The following ADAM7 variants were observed in gnomAD, a reference collection of about 807,000 sequenced individuals.
ADAM7 encodes the protein disintegrin and metalloproteinase domain-containing protein 7.
Under a neutral mutation model 102.9 loss-of-function variants are expected in ADAM7, and 97 were observed. The ratio of observed to expected loss-of-function variants is 0.94; its 90% confidence interval spans 0.80 to 1.12. ADAM7 has a LOEUF of 1.12. ADAM7 is among the 50% of genes most tolerant of loss of function. ADAM7 has a pLI of 0.00. For missense variants in ADAM7, 991 were observed against 908.7 expected (o/e 1.09, Z -1.16); for synonymous variants, 334 against 304.4 (o/e 1.10, Z -1.01).
chr8:24,471,818 T>A (rs1049021705), intron 7 of ADAM7, among the ~76,000 whole-genome samples: 93 of 152,120 alleles, frequency 6.1e-4, no homozygotes, highest in African/African-American at 2.1e-3. Flanking sequence ...ATTCCAAATG[T>A]GTCAGAAATT....
rs1272113928 is a variant in ADAM7, at chr8:24,500,879, T to C, written c.2092T>C (p.Leu698=). 2 of 1,611,848 alleles carry C rather than the reference T, an allele frequency of 1.2e-6. No homozygotes were observed. The highest frequency in any genetic ancestry group is 1.7e-6 in the Non-Finnish European group (2 of 1,178,260). Residue 698 remains leucine, a synonymous_variant, in exon 19 of 22, where the codon TTG becomes CTG. Transcript: ENST00000175238. The stretch of plus-strand genomic sequence containing the variant: ...AGTTCGTTACCGAAAATGTATCAAG[T>C]TGAAGCAAGTTCAGAGGTACATTTA... ...LLVRYRKCIK[L]KQVQSPPTET...
At chr8:24,453,702 G>A (rs578182490) in intron 3 of ADAM7, among the ~76,000 whole-genome samples, 78 of 152,328 alleles carry the variant, frequency 5.1e-4, no homozygotes, top group African/African-American at 1.5e-3. Flanking sequence ...GAGGAACTGC[G>A]TTCCTTTGGA....
At chr8:24,478,180 CTTG>C (rs1315578480) in intron 8 of ADAM7, among the ~76,000 whole-genome samples, 6 of 152,096 alleles carry the variant, frequency 3.9e-5, no homozygotes, top group African/African-American at 1.4e-4. Flanking sequence ...GGGATCTCAG[CTTG>C]TTGTTGTTGG....
intron 18 of ADAM7, among the ~76,000 whole-genome samples, chr8:24,500,498 C>A (rs1281568790): frequency 1.3e-5 from 2 of 152,118 alleles, no homozygotes; most frequent in African/African-American, 4.8e-5. Context: ...CCCACAAACC[C>A]TCAACACACA....
At chr8:24,495,147 TG>T (rs1346737045) in intron 16 of ADAM7, among the ~76,000 whole-genome samples, 7 of 152,160 alleles carry the variant, frequency 4.6e-5, no homozygotes, top group African/African-American at 1.7e-4. Flanking sequence ...ATAACAGGAA[TG>T]GTTTTAGAGA....
chr8:24,472,913 T>C (rs1390653124), intron 7 of ADAM7, among the ~76,000 whole-genome samples: 1 of 151,842 alleles, frequency 6.6e-6, no homozygotes, highest in Non-Finnish European at 1.5e-5. Flanking sequence ...GAAGACAAAA[T>C]ATAAATAAAA....
chr8:24,502,632 A>G (rs1296137573), intron 20 of ADAM7, among the ~76,000 whole-genome samples: 1 of 152,112 alleles, frequency 6.6e-6, no homozygotes, highest in African/African-American at 2.4e-5. Flanking sequence ...TAGTTTTGAC[A>G]GTGCAATGAA....
At chr8:24,487,344 C>T (rs1820176651) in intron 11 of ADAM7, 27 bp downstream of exon 11, 4 of 1,608,474 alleles carry the variant, frequency 2.5e-6, no homozygotes, top group Non-Finnish European at 3.4e-6. Flanking sequence ...GTACAGAATA[C>T]ACTTACATAA....
intron 2 of ADAM7, among the ~76,000 whole-genome samples, chr8:24,445,037 C>A (rs1028123275): frequency 6.6e-6 from 1 of 151,996 alleles, no homozygotes; most frequent in South Asian, 2.1e-4. Context: ...ATTAATGACA[C>A]AATTTAAAAT....
intron 3 of ADAM7, 63 bp downstream of exon 3, chr8:24,447,325 T>C: frequency 1.1e-6 from 1 of 912,378 alleles, no homozygotes; most frequent in Non-Finnish European, 1.6e-6. Flanking sequence ...CCAATTTTCG[T>C]AAAAACTGCC....
rs755582132 is a variant in ADAM7 at position 24,500,856 on chromosome 8, T to C, written c.2069T>C (p.Val690Ala). Residue 690 changes from valine to alanine, a missense_variant, in exon 19 of 22, where the codon GTT becomes GCT. Physicochemically the swap from Val to Ala is moderately conservative, Grantham distance 64. Transcript: ENST00000175238. Reference sequence around the variant, plus strand: ...GGTATCGGAGTTCTTATACTATTAGTTCGTTACCGAAAATGTATCAAGTTG... The same window carrying C: ...GGTATCGGAGTTCTTATACTATTAGCTCGTTACCGAAAATGTATCAAGTTG... ...IVGIGVLILL[V>A]RYRKCIKLKQ... The C allele has an allele frequency of 6.2e-7, 1 of 1,613,346 alleles. No homozygotes were observed. Among genetic ancestry groups the C allele is most frequent in the South Asian group, 1.1e-5 (1 of 91,020 alleles).
chr8:24,485,246 A>G (rs746292424), intron 9 of ADAM7, 31 bp from the exon 10 acceptor site: 21 of 1,590,280 alleles, frequency 1.3e-5, no homozygotes, highest in Non-Finnish European at 1.6e-5. Context: ...ACTAACTCAG[A>G]TTGAAGACTA....
At chr8:24,496,517 G>A (rs897982916) in intron 16 of ADAM7, among the ~76,000 whole-genome samples, 1 of 152,182 alleles carries the variant, frequency 6.6e-6, no homozygotes, top group Admixed American at 6.5e-5. Flanking sequence ...TCAGCCCATG[G>A]AAGCAGCCAG....
intron 3 of ADAM7, among the ~76,000 whole-genome samples, chr8:24,449,042 C>T (rs1818675394): frequency 6.6e-6 from 1 of 152,130 alleles, no homozygotes; most frequent in African/African-American, 2.4e-5. Context: ...TTTCTTAATC[C>T]AGTCTATTAT....
chr8:24,491,496 T>G (rs1373358959), intron 13 of ADAM7, among the ~76,000 whole-genome samples: 2 of 152,196 alleles, frequency 1.3e-5, no homozygotes, highest in Non-Finnish European at 2.9e-5. Flanking sequence ...TTTTCTCCAG[T>G]TCATATGCAG....
At chr8:24,463,844 A>C in intron 3 of ADAM7, 38 bp from the exon 4 acceptor site, 1 of 1,557,798 alleles carries the variant, frequency 6.4e-7, no homozygotes, top group Non-Finnish European at 8.8e-7. Flanking sequence ...GGTTTTTAGA[A>C]CGAACAAATC....
chr8:24,509,487 C>T lies in ADAM7; in HGVS notation c.*941C>T, dbSNP rs1259340550. On this transcript the variant is annotated 3_prime_UTR_variant, in exon 22 of 22. Coordinates refer to ENST00000175238, the MANE Select transcript of ADAM7 (RefSeq NM_003817.4). ...ACATGCATTATTTTTTTTCCATTTA[C>T]TGAAATAAAGTTTTCAAGTTCTAAA... 1.0e-6 allele frequency: 1 copy of T among 983,978 alleles called. No individual in the cohort carries two copies. The allele number at this position is 983,978 out of a possible 1,614,324, so 61.0% of individuals were successfully genotyped here. A position where few individuals can be genotyped will look rare whatever the true frequency, so the allele number is the denominator to read the frequency against.
At chr8:24,459,861 G>A (rs539242529) in intron 3 of ADAM7, among the ~76,000 whole-genome samples, 85 of 152,040 alleles carry the variant, frequency 5.6e-4, no homozygotes, top group African/African-American at 1.7e-3. Flanking sequence ...CTTATTGAGT[G>A]TTTATTTTTC....
chr8:24,462,498 C>T (rs1478305100), intron 3 of ADAM7, among the ~76,000 whole-genome samples: 1 of 152,172 alleles, frequency 6.6e-6, no homozygotes, highest in Admixed American at 6.5e-5. Flanking sequence ...TCATCTTATG[C>T]TGTGCCTTCT....
Sources: gnomAD v4.1 joint callset for allele counts (sites outside exome capture counted in the v4.1 genomes callset) on GRCh38, gnomAD v4.1.1 for gene constraint, MANE v1.5 for transcripts, NCBI Gene and HGNC (gene_info 2026-07-23, HGNC 2026-07-21) for gene names.